The following RC3H1 variants were observed in gnomAD, a reference collection of about 807,000 sequenced individuals.
RC3H1 encodes the protein ring finger and CCCH-type domains 1.
In RC3H1, 50 loss-of-function variants were observed where a neutral mutation model predicts 138.2. The ratio of observed to expected loss-of-function variants is 0.36; its 90% confidence interval spans 0.29 to 0.46. The LOEUF (loss-of-function observed/expected upper bound fraction) is 0.46, where lower values mean the gene tolerates loss of function less well. RC3H1 is among the 20% of genes least tolerant of loss of function. The probability of loss-of-function intolerance (pLI) is 1.00; values close to 1 mark genes in which losing one functional copy is unlikely to be tolerated. For missense variants in RC3H1, 1,031 were observed against 1,388.1 expected, an observed-to-expected ratio of 0.74 and a Z score of 4.09; for synonymous variants, 462 against 489.1, an observed-to-expected ratio of 0.94 and a Z score of 0.73.
At chr1:173,964,630 G>T (rs1660023828) in intron 10 of RC3H1, among the ~76,000 whole-genome samples, 1 of 150,338 alleles carries the variant, frequency 6.7e-6, no homozygotes, top group Non-Finnish European at 1.5e-5. Flanking sequence ...GCCTCCCAAA[G>T]TGCTGGGATT....
intron 19 of RC3H1, among the ~76,000 whole-genome samples, chr1:173,940,237 C>A (rs996199243): frequency 6.6e-6 from 1 of 152,046 alleles, no homozygotes; most frequent in Non-Finnish European, 1.5e-5. Context: ...TTTGGGAGGC[C>A]GAGGCAGGTG....
Position 173,936,942 on chromosome 1 carries a change from T to C in RC3H1, c.*1779A>G, listed in dbSNP as rs941534595. 2.7e-5 allele frequency: 4 copies of C among 147,156 alleles called. No homozygotes were observed. Among genetic ancestry groups the C allele is most frequent in the African/African-American group, 9.8e-5 (4 of 40,656 alleles). 9.1% of individuals were successfully genotyped at this position (147,156 alleles called of 1,614,324 possible). A position where few individuals can be genotyped will look rare whatever the true frequency, so the allele number is the denominator to read the frequency against. On this transcript the variant is annotated 3_prime_UTR_variant, in exon 20 of 20. Coordinates refer to ENST00000367696, the MANE Select transcript of RC3H1 (RefSeq NM_172071.4). The stretch of plus-strand genomic sequence containing the variant: ...ATATATACAGATATAGCTATGTATA[T>C]ATGTATATATATAATATATATATAA...
chr1:173,978,972 C>T (rs896416988), intron 6 of RC3H1, among the ~76,000 whole-genome samples: 3 of 152,148 alleles, frequency 2.0e-5, no homozygotes, highest in African/African-American at 4.8e-5. Context: ...TTCCTCATCG[C>T]TTTTAATAAA....
chr1:173,974,277 CAAAAAAAAAAAAA>C (rs571801899), intron 7 of RC3H1, among the ~76,000 whole-genome samples: 2 of 47,190 alleles, frequency 4.2e-5, no homozygotes, highest in Non-Finnish European at 7.7e-5. Flanking sequence ...GAGACTGTCT[CAAAAAAAAAAAAA>C]AAAAAAAAAA....
chr1:174,015,064 C>T (rs1157711110), intron 1 of RC3H1, among the ~76,000 whole-genome samples: 1 of 152,170 alleles, frequency 6.6e-6, no homozygotes, highest in Non-Finnish European at 1.5e-5. Flanking sequence ...TTTCCTGCCA[C>T]CCAGCTGGCC....
chr1:173,970,652 A>AC (rs748617287), intron 8 of RC3H1, 35 bp from the exon 9 acceptor site: 94 of 1,327,348 alleles, frequency 7.1e-5, no homozygotes, highest in Non-Finnish European at 9.8e-5. Flanking sequence ...ATGTGTAATA[A>AC]CCCCCCACAA....
intron 1 of RC3H1, among the ~76,000 whole-genome samples, chr1:174,008,849 C>T (rs999370887): frequency 6.6e-6 from 1 of 151,864 alleles, no homozygotes; most frequent in Non-Finnish European, 1.5e-5. Context: ...TGGTGGCGGG[C>T]ACCGGTAATC....
intron 11 of RC3H1, among the ~76,000 whole-genome samples, chr1:173,963,733 T>C (rs1344379752): frequency 1.3e-5 from 2 of 152,346 alleles, no homozygotes; most frequent in African/African-American, 2.4e-5. Flanking sequence ...ATATTATATA[T>C]GAACACATGT....
intron 10 of RC3H1, 33 bp from the exon 11 acceptor site, chr1:173,964,220 A>C (rs1322118939): frequency 4.0e-6 from 6 of 1,514,544 alleles, no homozygotes; most frequent in Non-Finnish European, 5.5e-6. Context: ...GTTGTTTAAA[A>C]AATACTTCTC....
At chr1:174,010,043 T>C (rs1455775068) in intron 1 of RC3H1, among the ~76,000 whole-genome samples, 1 of 152,150 alleles carries the variant, frequency 6.6e-6, no homozygotes, top group Non-Finnish European at 1.5e-5. Context: ...ATTCTTATTT[T>C]TGAGCTGGTG....
chr1:173,975,897 CAAAAAAAAAAAAAAAAAAAAAAAAA>C (rs71299434), intron 7 of RC3H1, among the ~76,000 whole-genome samples: 4 of 3,606 alleles, frequency 1.1e-3, no homozygotes, highest in African/African-American at 7.7e-3. Context: ...GACTCCGTCT[CAAAAAAAAAAAAAAAAAAAAAAAAA>C]AAAAAAAAAA....
intron 1 of RC3H1, among the ~76,000 whole-genome samples, chr1:174,002,838 G>C (rs1334323190): frequency 6.6e-6 from 1 of 152,122 alleles, no homozygotes; most frequent in Non-Finnish European, 1.5e-5. Context: ...CCTTGGAATA[G>C]TGTTGGTTCT....
Position 174,022,082 on chromosome 1 carries a change from C to A in RC3H1, c.-151+14G>T. On this transcript the variant is annotated intron_variant, in intron 1 of 19. Coordinates refer to ENST00000367696, the MANE Select transcript of RC3H1 (RefSeq NM_172071.4). This position sits in a 1 kb window ranked among gnomAD's most constrained non-coding sequence, Gnocchi z 4.2. ...CAGCCCCGCTCCCCAAGTCGCCGCC[C>A]GCCGCTCGCTCACCGCGCTGGTCCG... 2.5e-6 allele frequency: 1 copy of A among 396,982 alleles called. No individual in the cohort carries two copies. Among genetic ancestry groups the A allele is most frequent in the South Asian group, 1.3e-4 (1 of 7,890 alleles). The allele number at this position is 396,982 out of a possible 1,614,324, so 24.6% of individuals were successfully genotyped here.
chr1:173,981,014 T>C lies in RC3H1; in HGVS notation c.769-5A>G. ...GTCTTCATCACGTTTGGTGACCTAA[T>C]AAGACACAAATAATCTCATAATGAA... On this transcript the variant is annotated splice_polypyrimidine_tract_variant and splice_region_variant and intron_variant, in intron 5 of 19. Coordinates refer to ENST00000367696, the MANE Select transcript of RC3H1 (RefSeq NM_172071.4). 1 of 1,612,682 alleles carries C rather than the reference T, an allele frequency of 6.2e-7. No homozygotes were observed. Among genetic ancestry groups the C allele is most frequent in the Non-Finnish European group, 8.5e-7 (1 of 1,179,026 alleles).
intron 2 of RC3H1, among the ~76,000 whole-genome samples, chr1:173,992,436 C>T (rs761609299): frequency 6.6e-6 from 1 of 152,170 alleles, no homozygotes; most frequent in Non-Finnish European, 1.5e-5. Flanking sequence ...GCATGAGCCA[C>T]CACACCCGGC....
chr1:173,973,667 A>C (rs1407424974), intron 7 of RC3H1, among the ~76,000 whole-genome samples: 2 of 152,214 alleles, frequency 1.3e-5, no homozygotes, highest in Non-Finnish European at 2.9e-5. Context: ...TATAAGGCTA[A>C]ATATATTCTT....
At chr1:173,965,191 ATAT>A in intron 9 of RC3H1, 71 bp from the exon 10 acceptor site, 1 of 1,322,820 alleles carries the variant, frequency 7.6e-7, no homozygotes, top group Non-Finnish European at 1.0e-6. Flanking sequence ...AATGTACTTA[ATAT>A]TATTTTCTAG....
At chr1:173,994,455 T>C (rs1661413285) in intron 1 of RC3H1, among the ~76,000 whole-genome samples, 1 of 152,184 alleles carries the variant, frequency 6.6e-6, no homozygotes, top group Non-Finnish European at 1.5e-5. Context: ...AAACAATTTA[T>C]ATAAACATAT....
At chr1:173,967,229 G>A (rs1660159834) in intron 9 of RC3H1, among the ~76,000 whole-genome samples, 1 of 152,130 alleles carries the variant, frequency 6.6e-6, no homozygotes, top group Non-Finnish European at 1.5e-5. Flanking sequence ...GCTGAGGTGA[G>A]AGGATCATTG....
Sources: gnomAD v4.1 joint callset for allele counts (sites outside exome capture counted in the v4.1 genomes callset) on GRCh38, gnomAD v4.1.1 for gene constraint, Gnocchi (gnomAD v3.1) non-coding constraint, MANE v1.5 for transcripts, NCBI Gene and HGNC (gene_info 2026-07-23, HGNC 2026-07-21) for gene names.